Variants in ARHGEF28 observed in about 807,000 individuals in gnomAD.
ARHGEF28 encodes 190 kDa guanine nucleotide exchange factor.
In ARHGEF28, 152 loss-of-function variants were observed where a neutral mutation model predicts 206.6. The ratio of observed to expected loss-of-function variants is 0.74; its 90% CI spans 0.64 to 0.84. The LOEUF is 0.84. Among genes scored for constraint, ARHGEF28 ranks in the 40% least tolerant of loss-of-function variants. The probability of loss-of-function intolerance (pLI) is 0.00; values close to 1 mark genes in which losing one functional copy is unlikely to be tolerated. For missense variants in ARHGEF28, 2,028 were observed against 2,073.2 expected, an observed-to-expected ratio of 0.98 and a Z score of 0.42; for synonymous variants, 763 against 776.4, an observed-to-expected ratio of 0.98 and a Z score of 0.29.
chr5:73,719,412 G>GA lies in ARHGEF28; in HGVS notation c.34-30408dup, dbSNP rs34402245. Among the ~76,000 whole-genome samples, 610 of 114,050 alleles carry GA rather than the reference G, an allele frequency of 5.3e-3. 1 individual carries two copies. The highest frequency in any genetic ancestry group is 0.012 in the African/African-American group (410 of 33,804). The allele number at this position is 114,050 out of a possible 152,430, so 74.8% of individuals were successfully genotyped here. On this transcript the variant is annotated intron_variant, in intron 2 of 35. Transcript: ENST00000513042. ...GGCGACAGAGGGAGACTCCGTCTCA[G>GA]AAAAAAAAAAAAAAAAAGACACCAT...
At chr5:73,793,152 T>TTGTGGCA (rs1344039187) in intron 7 of ARHGEF28, among the ~76,000 whole-genome samples, 4 of 152,224 alleles carry the variant, frequency 2.6e-5, no homozygotes, top group African/African-American at 9.6e-5. Flanking sequence ...CAATATACTA[T>TTGTGGCA]TGTGGCATGC....
intron 2 of ARHGEF28, among the ~76,000 whole-genome samples, chr5:73,714,860 G>T (rs1179299862): frequency 1.3e-5 from 2 of 152,124 alleles, no homozygotes; most frequent in Non-Finnish European, 2.9e-5. Context: ...TATCATAAGA[G>T]ATTAGTTTCT....
intron 1 of ARHGEF28, among the ~76,000 whole-genome samples, chr5:73,674,530 C>T (rs1746534503): frequency 6.6e-6 from 1 of 152,194 alleles, no homozygotes; most frequent in Admixed American, 6.5e-5. Flanking sequence ...GGTATTTTGA[C>T]TTCATTCTTT....
intron 1 of ARHGEF28, among the ~76,000 whole-genome samples, chr5:73,652,772 GC>G (rs1425162767): frequency 6.6e-6 from 1 of 152,150 alleles, no homozygotes; most frequent in East Asian, 1.9e-4. Flanking sequence ...TCCAGGAGTG[GC>G]CAATGATTAT....
intron 35 of ARHGEF28, among the ~76,000 whole-genome samples, chr5:73,939,262 A>G (rs1018696155): frequency 3.3e-5 from 5 of 152,200 alleles, no homozygotes; most frequent in African/African-American, 1.2e-4. Flanking sequence ...GAGATGACGA[A>G]TGTAAAAGAC....
intron 12 of ARHGEF28, among the ~76,000 whole-genome samples, chr5:73,848,361 T>C (rs914196332): frequency 6.6e-6 from 1 of 152,204 alleles, no homozygotes; most frequent in African/African-American, 2.4e-5. Context: ...ATTAAGGATG[T>C]ATAAATTAGT....
chr5:73,898,042 G>T lies in ARHGEF28; in HGVS notation c.3922G>T (p.Val1308Phe). The change falls in exon 30 of 36, where the codon GTC becomes TTC. Residue 1308 changes from valine (V) to phenylalanine (F), a missense_variant. Transcript: ENST00000513042. ...ATGTGAGGACAGTTGTGGAGACTCT[G>T]TCTTGGCGGACACACTCAGTTCTCA... ...QSCEDSCGDS[V>F]LADTLSSHDV... The T allele has an allele frequency of 1.2e-6, 2 of 1,611,082 alleles. No homozygotes were observed. Among genetic ancestry groups the T allele is most frequent in the Non-Finnish European group, 1.7e-6 (2 of 1,178,722 alleles).
Position 73,680,630 on chromosome 5 carries a change from C to T in ARHGEF28, c.-11-4211C>T, listed in dbSNP as rs573918663. 2.1e-4 allele frequency among the ~76,000 whole-genome samples: 32 copies of T among 151,518 alleles called. 1 individual carries two copies. Among genetic ancestry groups the T allele is most frequent in the African/African-American group, 1.9e-4 (8 of 41,298 alleles). ...ACCACTAAAGAACTTATCTATGTAA[C>T]GAGACACCACCTGTTTCTCCAAAAA... On this transcript the variant is annotated intron_variant, in intron 1 of 35. Coordinates refer to ENST00000513042, the MANE Select transcript of ARHGEF28 (RefSeq NM_001177693.2).
chr5:73,846,143 A>G lies in ARHGEF28; in HGVS notation c.1428-125A>G, dbSNP rs1032317648. 9 of 823,084 alleles carry G rather than the reference A, an allele frequency of 1.1e-5. No homozygotes were observed. In the African/African-American group the frequency reaches 1.2e-4, roughly 11 times the overall value. 51.0% of individuals were successfully genotyped at this position (823,084 alleles called of 1,614,324 possible). ...AAGGCTAATTAAATACTAGTTGGAA[A>G]TTAAATGAATACCTATTGCACCCCC... On this transcript the variant is annotated intron_variant, in intron 11 of 35. Coordinates refer to ENST00000513042, the MANE Select transcript of ARHGEF28 (RefSeq NM_001177693.2).
At chr5:73,789,625 T>C (rs1428125914) in intron 7 of ARHGEF28, among the ~76,000 whole-genome samples, 2 of 152,204 alleles carry the variant, frequency 1.3e-5, no homozygotes, top group African/African-American at 2.4e-5. Context: ...ATACCAACAT[T>C]TAATGGTAGT....
At chr5:73,866,141 G>C in intron 18 of ARHGEF28, 128 bp downstream of exon 18, 5 of 880,696 alleles carry the variant, frequency 5.7e-6, no homozygotes, top group Non-Finnish European at 8.4e-6. Context: ...ACATATGCTT[G>C]GCATGATTTT....
intron 2 of ARHGEF28, among the ~76,000 whole-genome samples, chr5:73,742,630 C>G (rs1368158501): frequency 6.6e-6 from 1 of 151,074 alleles, no homozygotes; most frequent in African/African-American, 2.4e-5. Flanking sequence ...CGAGACCATC[C>G]TGGCTAACAA....
At chr5:73,764,642 C>G (rs1752798065) in intron 4 of ARHGEF28, among the ~76,000 whole-genome samples, 2 of 152,174 alleles carry the variant, frequency 1.3e-5, no homozygotes, top group African/African-American at 4.8e-5. Flanking sequence ...GGAGGAAAAA[C>G]CTGCCATTAT....
At chr5:73,831,375 A>G (rs1300299621) in intron 9 of ARHGEF28, among the ~76,000 whole-genome samples, 1 of 152,244 alleles carries the variant, frequency 6.6e-6, no homozygotes, top group Non-Finnish European at 1.5e-5. Flanking sequence ...CTCTACAAAC[A>G]CAGTAACAGC....
intron 7 of ARHGEF28, among the ~76,000 whole-genome samples, chr5:73,789,299 C>T (rs1207566349): frequency 4.6e-5 from 7 of 152,178 alleles, no homozygotes; most frequent in Non-Finnish European, 8.8e-5. Flanking sequence ...CAAAAGACTA[C>T]ATATTGTGCA....
At chr5:73,723,776 A>G (rs1394067338) in intron 2 of ARHGEF28, among the ~76,000 whole-genome samples, 1 of 152,206 alleles carries the variant, frequency 6.6e-6, no homozygotes, top group East Asian at 1.9e-4. Context: ...AGGGCATTCT[A>G]AGCCCTAAAT....
chr5:73,914,066 G>T lies in ARHGEF28; in HGVS notation c.4948+2491G>T, dbSNP rs370273460. Among the ~76,000 whole-genome samples the T allele has an allele frequency of 6.0e-4, 91 of 152,216 alleles. No homozygotes were observed. In the South Asian group the frequency reaches 0.019, roughly 31 times the overall value. Reference sequence around the variant, plus strand: ...ACCACCTAGATAGGAATTTCTGTTGGTTTTTTCAGTACAGCCTCAGCAGAC... The same window carrying T: ...ACCACCTAGATAGGAATTTCTGTTGTTTTTTTCAGTACAGCCTCAGCAGAC... On this transcript the variant is annotated intron_variant, in intron 35 of 35. Transcript: ENST00000513042.
At chr5:73,901,897 A>T (rs1373512557) in intron 31 of ARHGEF28, 2 of 152,192 alleles carry the variant, frequency 1.3e-5, no homozygotes, top group African/African-American at 4.8e-5. Flanking sequence ...AATACATAAA[A>T]CTTCCTATTA....
chr5:73,825,055 T>C (rs770010723), intron 9 of ARHGEF28, among the ~76,000 whole-genome samples: 4 of 152,242 alleles, frequency 2.6e-5, no homozygotes, highest in Non-Finnish European at 5.9e-5. Flanking sequence ...ATATTCATTA[T>C]CCACTGCCTG....
Sources: allele counts gnomAD v4.1 joint callset (sites outside exome capture counted in the v4.1 genomes callset), GRCh38; gene constraint gnomAD v4.1.1; transcripts MANE v1.5; gene names NCBI Gene and HGNC (gene_info 2026-07-23, HGNC 2026-07-21).